The following ZNF322 variants were observed in gnomAD, a reference collection of about 807,000 sequenced individuals.
ZNF322 encodes HLA complex group 12.
Under a neutral mutation model 18.3 loss-of-function variants are expected in ZNF322, and 1 was observed. The observed-to-expected ratio is 0.05, with a 90% CI of 0.02 to 0.26. ZNF322 has a LOEUF of 0.26. Ranked by LOEUF, ZNF322 falls within the 10% of genes least tolerant of loss-of-function variation. ZNF322 has a pLI of 1.00. For synonymous variants in ZNF322, 17 were observed against 130.7 expected (o/e 0.13, Z 5.93); for missense variants, 36 against 403.6 (o/e 0.09, Z 7.80).
intron 2 of ZNF322, among the ~76,000 whole-genome samples, chr6:26,656,032 T>C (rs1303303177): frequency 6.6e-6 from 1 of 152,248 alleles, no homozygotes; most frequent in African/African-American, 2.4e-5. Context: ...GGTAAAATGT[T>C]AACATTTAGA....
intron 2 of ZNF322, among the ~76,000 whole-genome samples, chr6:26,653,059 C>T (rs1180851448): frequency 6.6e-6 from 1 of 152,130 alleles, no homozygotes; most frequent in East Asian, 1.9e-4. Context: ...AAAGGTATGA[C>T]AATGCATTTT....
chr6:26,639,217 G>A (rs565817045), intron 3 of ZNF322, among the ~76,000 whole-genome samples: 4 of 152,222 alleles, frequency 2.6e-5, no homozygotes, highest in African/African-American at 7.2e-5. Flanking sequence ...TGTATGCCTC[G>A]TTTCCTCATC....
intron 2 of ZNF322, among the ~76,000 whole-genome samples, chr6:26,655,598 G>A (rs1174711030): frequency 2.0e-5 from 3 of 152,138 alleles, no homozygotes; most frequent in African/African-American, 7.2e-5. Flanking sequence ...CTATACATAT[G>A]TATATGTGTA....
At chr6:26,646,759 T>C (rs890310060) in intron 2 of ZNF322, among the ~76,000 whole-genome samples, 2 of 152,168 alleles carry the variant, frequency 1.3e-5, no homozygotes, top group Non-Finnish European at 2.9e-5. Flanking sequence ...CTGTCATATA[T>C]TATGTAATAA....
At chr6:26,647,541 A>AAAT (rs1389102491) in intron 2 of ZNF322, among the ~76,000 whole-genome samples, 2 of 152,146 alleles carry the variant, frequency 1.3e-5, no homozygotes, top group African/African-American at 4.8e-5. Flanking sequence ...ATCTCTATAT[A>AAAT]AATAAATATG....
chr6:26,658,171 T>C (rs1283845114), intron 2 of ZNF322, among the ~76,000 whole-genome samples: 2 of 152,094 alleles, frequency 1.3e-5, no homozygotes, highest in Non-Finnish European at 2.9e-5. Context: ...TTGGATCTTA[T>C]AGATGGAAAA....
At chr6:26,649,811 C>A (rs1765635927) in intron 2 of ZNF322, among the ~76,000 whole-genome samples, 1 of 146,520 alleles carries the variant, frequency 6.8e-6, no homozygotes, top group African/African-American at 2.5e-5. Context: ...TCAAGTGATT[C>A]TCCTGCCTCA....
intron 3 of ZNF322, among the ~76,000 whole-genome samples, chr6:26,641,339 G>T (rs964230164): frequency 6.6e-6 from 1 of 152,086 alleles, no homozygotes; most frequent in Non-Finnish European, 1.5e-5. Context: ...AGATCCACAA[G>T]AAATGTAGTA....
intron 2 of ZNF322, among the ~76,000 whole-genome samples, chr6:26,654,109 A>T (rs1295032910): frequency 6.6e-6 from 1 of 152,216 alleles, no homozygotes; most frequent in Non-Finnish European, 1.5e-5. Context: ...AAGTAAATAT[A>T]CTATGGATAA....
chr6:26,638,851 T>A, intron 3 of ZNF322, 123 bp from the exon 4 acceptor site: 1 of 287,628 alleles, frequency 3.5e-6, no homozygotes, highest in South Asian at 5.5e-5. Flanking sequence ...AGGTTTTATA[T>A]GGCTTGAAAT....
chr6:26,652,388 T>A (rs953597794), intron 2 of ZNF322, among the ~76,000 whole-genome samples: 4 of 151,980 alleles, frequency 2.6e-5, no homozygotes, highest in Non-Finnish European at 5.9e-5. Context: ...CAAACCAGTT[T>A]AAAAAAACTG....
chr6:26,651,834 A>C (rs1197315773), intron 2 of ZNF322, among the ~76,000 whole-genome samples: 1 of 152,158 alleles, frequency 6.6e-6, no homozygotes, highest in Non-Finnish European at 1.5e-5. Context: ...CGGGTATAGC[A>C]ATGACTTTAT....
At chr6:26,652,188 A>G (rs1361405975) in intron 2 of ZNF322, among the ~76,000 whole-genome samples, 5 of 152,212 alleles carry the variant, frequency 3.3e-5, no homozygotes, top group South Asian at 2.1e-4. Context: ...AGGAAAATTG[A>G]TAAGCTGGAC....
chr6:26,658,126 C>A (rs182800707), intron 2 of ZNF322, among the ~76,000 whole-genome samples: 5 of 152,180 alleles, frequency 3.3e-5, no homozygotes, highest in African/African-American at 1.2e-4. Flanking sequence ...TTAGTCCTCC[C>A]AAGGACCCTA....
intron 2 of ZNF322, among the ~76,000 whole-genome samples, chr6:26,646,158 G>GA (rs1204068893): frequency 6.6e-6 from 1 of 151,450 alleles, no homozygotes; most frequent in Non-Finnish European, 1.5e-5. Context: ...ACCTATCGTA[G>GA]AAAAAAAAGT....
At chr6:26,639,699 C>A (rs1301298107) in intron 3 of ZNF322, among the ~76,000 whole-genome samples, 2 of 152,182 alleles carry the variant, frequency 1.3e-5, no homozygotes, top group Non-Finnish European at 2.9e-5. Context: ...TCACACTTAA[C>A]TCTCTTCAGT....
chr6:26,639,178 T>C lies in ZNF322; in HGVS notation c.-175-450A>G, dbSNP rs536932713. Among the ~76,000 whole-genome samples, 37 of 152,220 alleles carry C rather than the reference T, an allele frequency of 2.4e-4. 1 individual carries two copies. Among genetic ancestry groups the C allele is most frequent in the Admixed American group, 3.9e-4 (6 of 15,282 alleles). ...AGGTTTCTATGACTCTAATTCGTAG[T>C]GGTGATATCAGGCAAGTTTCTTAAC... is the stretch of plus-strand genomic sequence containing the variant. On this transcript the variant is annotated intron_variant, in intron 3 of 3. Transcript: ENST00000415922.
intron 2 of ZNF322, among the ~76,000 whole-genome samples, chr6:26,647,022 CAG>C (rs1204235775): frequency 6.6e-6 from 1 of 151,884 alleles, no homozygotes; most frequent in Non-Finnish European, 1.5e-5. Flanking sequence ...TCAATAAAAA[CAG>C]AAGAATTTAA....
chr6:26,658,355 T>C (rs561382710), intron 2 of ZNF322, among the ~76,000 whole-genome samples: 1 of 151,648 alleles, frequency 6.6e-6, no homozygotes, highest in Non-Finnish European at 1.5e-5. Context: ...AATGTGAATA[T>C]GCATGCATGT....
Sources: gnomAD v4.1 joint callset for allele counts (sites outside exome capture counted in the v4.1 genomes callset) on GRCh38, gnomAD v4.1.1 for gene constraint, MANE v1.5 for transcripts, NCBI Gene and HGNC (gene_info 2026-07-23, HGNC 2026-07-21) for gene names.